Variants in CNTNAP2 observed in about 807,000 individuals in gnomAD.
CNTNAP2 encodes contactin-associated protein-like 2.
Under a neutral mutation model 155.2 loss-of-function variants are expected in CNTNAP2, and 98 were observed. The observed-to-expected ratio is 0.63, with a 90% CI of 0.54 to 0.75. The LOEUF (loss-of-function observed/expected upper bound fraction) is 0.75, where lower values mean the gene tolerates loss of function less well. CNTNAP2 is among the 30% of genes least tolerant of loss of function. The pLI is 0.00. For missense variants in CNTNAP2, 1,727 were observed against 1,688.1 expected (o/e 1.02, Z -0.40); for synonymous variants, 651 against 631.2 (o/e 1.03, Z -0.47).
In CNTNAP2 at chr7:147,143,222, C is replaced by T. The variant is rs545361492; in HGVS notation, c.1348+10713C>T. Among the ~76,000 whole-genome samples the T allele has an allele frequency of 3.2e-4, 49 of 152,272 alleles. 1 individual carries two copies. In the South Asian group the frequency reaches 6.6e-3, roughly 21 times the overall value. On this transcript the variant is annotated intron_variant, in intron 8 of 23. Transcript: ENST00000361727. Reference sequence around the variant, plus strand: ...TGCCTCTCTAAACAAGTCCATTCCACACATTTCCTCCTGATTACAATTTCA... The same window carrying T: ...TGCCTCTCTAAACAAGTCCATTCCATACATTTCCTCCTGATTACAATTTCA...
chr7:147,159,996 G>A (rs958469423), intron 8 of CNTNAP2, among the ~76,000 whole-genome samples: 1 of 151,938 alleles, frequency 6.6e-6, no homozygotes, highest in Non-Finnish European at 1.5e-5. Context: ...AATGGTTTTG[G>A]TTACCTGGTT....
chr7:147,027,409 A>G lies in CNTNAP2; in HGVS notation c.403-16498A>G, dbSNP rs116279545. Among the ~76,000 whole-genome samples, 1,173 of 152,352 alleles carry G rather than the reference A, an allele frequency of 7.7e-3. 15 individuals are homozygous for G. The highest frequency in any genetic ancestry group is 0.027 in the African/African-American group (1,133 of 41,578). ...TAATGTTTGTATGTGGATGACACCA[A>G]TATAACAAACATATTGCTTCAATTA... On this transcript the variant is annotated intron_variant, in intron 3 of 23. Transcript: ENST00000361727.
chr7:146,642,768 C>G (rs1002055666), intron 1 of CNTNAP2, among the ~76,000 whole-genome samples: 21 of 151,850 alleles, frequency 1.4e-4, no homozygotes, highest in Non-Finnish European at 2.6e-4. Flanking sequence ...AGTTTGCAGT[C>G]CCACCAACAG....
intron 15 of CNTNAP2, among the ~76,000 whole-genome samples, chr7:148,020,889 C>G (rs372446883): frequency 8.5e-5 from 13 of 152,310 alleles, no homozygotes; most frequent in East Asian, 1.9e-4. Flanking sequence ...AGGTCAAAAA[C>G]AAGAATGTGG....
chr7:146,795,750 T>C (rs1462514219), intron 2 of CNTNAP2, among the ~76,000 whole-genome samples: 3 of 152,284 alleles, frequency 2.0e-5, no homozygotes, highest in African/African-American at 7.2e-5. Flanking sequence ...TTTGATAAAA[T>C]TGACATGTTC....
At chr7:146,509,628 C>T (rs116722978) in intron 1 of CNTNAP2, among the ~76,000 whole-genome samples, 52 of 152,044 alleles carry the variant, frequency 3.4e-4, no homozygotes, top group African/African-American at 6.8e-4. Flanking sequence ...GGTGTCAGAT[C>T]GGGCAGGGGT....
intron 2 of CNTNAP2, among the ~76,000 whole-genome samples, chr7:146,810,801 G>C (rs1803052300): frequency 6.6e-6 from 1 of 152,070 alleles, no homozygotes; most frequent in South Asian, 2.1e-4. Context: ...TTATGTTGAA[G>C]TATATTCATT....
At chr7:147,302,312 G>A (rs192435236) in intron 9 of CNTNAP2, among the ~76,000 whole-genome samples, 35 of 152,228 alleles carry the variant, frequency 2.3e-4, no homozygotes, top group African/African-American at 7.9e-4. Flanking sequence ...AGTTTTTATC[G>A]ATTTCAATCT....
chr7:148,178,658 C>A (rs948691431), intron 18 of CNTNAP2, among the ~76,000 whole-genome samples: 3 of 152,120 alleles, frequency 2.0e-5, no homozygotes, highest in Non-Finnish European at 1.5e-5. Flanking sequence ...TGTTACGTAA[C>A]CTTAGGAAAA....
At chr7:147,184,279 GGC>G (rs1802522122) in intron 8 of CNTNAP2, among the ~76,000 whole-genome samples, 1 of 152,168 alleles carries the variant, frequency 6.6e-6, no homozygotes, top group Non-Finnish European at 1.5e-5. Flanking sequence ...TCGCTCCTAA[GGC>G]TGCCCAACTT....
chr7:147,708,839 A>G (rs753072967), intron 13 of CNTNAP2, among the ~76,000 whole-genome samples: 14 of 152,174 alleles, frequency 9.2e-5, no homozygotes, highest in Non-Finnish European at 1.9e-4. Context: ...GTGATCATCT[A>G]TTCACTGTTT....
At chr7:147,252,587 T>C (rs967515691) in intron 8 of CNTNAP2, among the ~76,000 whole-genome samples, 2 of 152,174 alleles carry the variant, frequency 1.3e-5, no homozygotes, top group African/African-American at 2.4e-5. Flanking sequence ...AAAAATAATT[T>C]TTCTTTTAGA....
Position 148,365,809 on chromosome 7 carries a change from C to T in CNTNAP2, c.3476-17840C>T, listed in dbSNP as rs1314269013. On this transcript the variant is annotated intron_variant, in intron 21 of 23. Coordinates refer to ENST00000361727, the MANE Select transcript of CNTNAP2 (RefSeq NM_014141.6). The stretch of plus-strand genomic sequence containing the variant: ...ATGCATGTATACATGCATGTGTATG[C>T]ATGTATACATGCATGTGTATGCATG... Among the ~76,000 whole-genome samples, 12 of 104,602 alleles carry T rather than the reference C, an allele frequency of 1.1e-4. 4 individuals are homozygous for T. The highest frequency in any genetic ancestry group is 3.3e-4 in the Admixed American group (4 of 12,168). The allele number at this position is 104,602 out of a possible 152,430, so 68.6% of individuals were successfully genotyped here.
intron 1 of CNTNAP2, among the ~76,000 whole-genome samples, chr7:146,386,125 A>C (rs144855619): frequency 1.3e-5 from 2 of 152,048 alleles, no homozygotes; most frequent in Admixed American, 6.5e-5. Flanking sequence ...TCTGGTGTTT[A>C]CTCTTATATT....
At chr7:148,015,787 A>G (rs1802166377) in intron 15 of CNTNAP2, among the ~76,000 whole-genome samples, 1 of 152,240 alleles carries the variant, frequency 6.6e-6, no homozygotes, top group African/African-American at 2.4e-5. Context: ...GGATTTTTCA[A>G]TCCAGAAGAC....
intron 21 of CNTNAP2, among the ~76,000 whole-genome samples, chr7:148,309,471 T>C (rs952368515): frequency 2.0e-5 from 3 of 152,180 alleles, no homozygotes; most frequent in African/African-American, 7.2e-5. Flanking sequence ...GCAACAAGGC[T>C]GTTTATTTCA....
intron 1 of CNTNAP2, among the ~76,000 whole-genome samples, chr7:146,342,168 G>T (rs1337947316): frequency 6.6e-6 from 1 of 152,118 alleles, no homozygotes; most frequent in Non-Finnish European, 1.5e-5. Flanking sequence ...CTTGGAGAAT[G>T]AGTGTTCCTG....
chr7:147,451,662 C>T (rs1797836026), intron 10 of CNTNAP2, among the ~76,000 whole-genome samples: 1 of 151,692 alleles, frequency 6.6e-6, no homozygotes, highest in African/African-American at 2.4e-5. Context: ...ACTCCCACAC[C>T]TTCTTGCCTA....
chr7:147,036,677 G>T (rs576616137), intron 3 of CNTNAP2, among the ~76,000 whole-genome samples: 118 of 152,140 alleles, frequency 7.8e-4, no homozygotes, highest in African/African-American at 2.7e-3. Flanking sequence ...TGATAAATTT[G>T]GCTGGCATTT....
Sources: allele counts gnomAD v4.1 joint callset (sites outside exome capture counted in the v4.1 genomes callset), GRCh38; gene constraint gnomAD v4.1.1; transcripts MANE v1.5; gene names NCBI Gene and HGNC (gene_info 2026-07-23, HGNC 2026-07-21).